KRT24: variants seen among roughly 807,000 people sequenced by gnomAD.
The protein encoded by KRT24 is keratin, type I cytoskeletal 24.
In KRT24, 44 loss-of-function variants were observed where a neutral mutation model predicts 51.7. That is an observed-to-expected ratio of 0.85 (90% CI 0.67 to 1.09). The LOEUF is 1.09. KRT24 is among the 50% of genes least tolerant of loss of function. KRT24 has a pLI of 0.00. For missense variants in KRT24, 633 were observed against 647.0 expected (o/e 0.98, Z 0.24); for synonymous variants, 241 against 249.5 (o/e 0.97, Z 0.32).
rs1457142876 is a variant in KRT24 at position 40,703,203 on chromosome 17, G to A, written c.491C>T (p.Ala164Val). ...GATTTTGTTCTCCAGATCAGTGTTAGCCTCCTCCAGGGCTCTGACCTTGTC... is the reference window on the plus strand; with the variant it reads ...GATTTTGTTCTCCAGATCAGTGTTAACCTCCTCCAGGGCTCTGACCTTGTC... The part of the protein sequence containing the change: ...YLDKVRALEE[A>V]NTDLENKIKE... Residue 164 changes from alanine to valine, a missense_variant, in exon 1 of 8, where the codon GCT becomes GTT. Coordinates refer to ENST00000264651, the MANE Select transcript of KRT24 (RefSeq NM_019016.3). The A allele has an allele frequency of 6.2e-7, 1 of 1,613,932 alleles. No individual in the cohort carries two copies. Among genetic ancestry groups the A allele is most frequent in the East Asian group, 2.2e-5 (1 of 44,882 alleles).
In KRT24 at chr17:40,703,462, C is replaced by CA. The variant is rs749788818; in HGVS notation, c.231dup (p.Gly78TrpfsTer15). 1 of 1,565,968 alleles carries CA rather than the reference C, an allele frequency of 6.4e-7. No individual in the cohort carries two copies. The highest frequency in any genetic ancestry group is 1.1e-5 in the South Asian group (1 of 89,878). The stretch of plus-strand genomic sequence containing the variant: ...CCTGTCCCAGAGCCTGAAGCTCCCC[C>CA]AAAACCACCCCCTACTGAGCAGCTA... On this transcript the variant is annotated frameshift_variant, in exon 1 of 8. Transcript: ENST00000264651. LOFTEE classifies it high-confidence loss of function.
At chr17:40,702,002 AG>A in intron 1 of KRT24, 69 bp from the exon 2 acceptor site, 1 of 732,374 alleles carries the variant, frequency 1.4e-6, no homozygotes, top group South Asian at 2.0e-5. Flanking sequence ...CCTACTTGTA[AG>A]GGTAGCTGTT....
At position 40,703,098 on chromosome 17, in the gene KRT24, A is replaced by G. The variant is rs752956226; in HGVS notation, c.596T>C (p.Ile199Thr). 6.2e-7 allele frequency: 1 copy of G among 1,600,668 alleles called. No individual in the cohort carries two copies. Among genetic ancestry groups the G allele is most frequent in the Non-Finnish European group, 8.5e-7 (1 of 1,174,738 alleles). The part of the protein sequence containing the change: ...GRDYSKYYSI[I>T]EDLRNQIIAA... ...TCTCACCTGGTTTCTGAGATCTTCA[A>G]TTATTGAATAGTATTTGCTATAATC... Residue 199 changes from isoleucine (I) to threonine (T), a missense_variant, in exon 1 of 8, where the codon ATT (isoleucine) becomes ACT (threonine). Ile to Thr is a moderately conservative substitution (Grantham distance 89). Transcript: ENST00000264651.
chr17:40,701,224 G>A lies in KRT24; in HGVS notation c.771C>T (p.Asp257=). 1 of 1,614,040 alleles carries A rather than the reference G, an allele frequency of 6.2e-7. No homozygotes were observed. The highest frequency in any genetic ancestry group is 8.5e-7 in the Non-Finnish European group (1 of 1,179,984). The change falls in exon 3 of 8, where the codon GAC becomes GAT. Residue 257 remains aspartate (D), a synonymous_variant. Transcript: ENST00000264651. ...CCAGGTCAGAGCGGGTCATAGTCAG[G>A]TCATCCAGGACTTTCCGCAGGCCAT... The part of the protein sequence containing the change: ...DINGLRKVLD[D]LTMTRSDLEM...
In KRT24 at chr17:40,698,350, A is replaced by G. The variant is rs199814540; in HGVS notation, c.1475-10T>C. ...CTAGTCTTGCTTGAATCTGAAAATC[A>G]TGGGATTGCAATGTCAGTCTGGAAA... On this transcript the variant is annotated splice_polypyrimidine_tract_variant and intron_variant, in intron 7 of 7. Coordinates refer to ENST00000264651, the MANE Select transcript of KRT24 (RefSeq NM_019016.3). 42 of 1,549,656 alleles carry G rather than the reference A, an allele frequency of 2.7e-5. No individual in the cohort carries two copies. The African/African-American group carries it at 4.2e-4, about 16-fold the overall frequency.
rs772872560 is a variant in KRT24 at position 40,703,389 on chromosome 17, C to T, written c.305G>A (p.Gly102Asp). ...SFGGVSGFGR[G>D]SGFCGSSRFS... The stretch of plus-strand genomic sequence containing the variant: ...TCTAGAACTCCCACAGAATCCAGAA[C>T]CCCTGCCAAATCCAGAGACCCCGCC... Residue 102 changes from glycine to aspartate, a missense_variant, in exon 1 of 8, where the codon GGT (glycine) becomes GAT (aspartate). Gly to Asp is a moderately conservative substitution (Grantham distance 94). Transcript: ENST00000264651. The T allele has an allele frequency of 1.2e-6, 2 of 1,612,680 alleles. No individual in the cohort carries two copies. Among genetic ancestry groups the T allele is most frequent in the Middle Eastern group, 1.7e-4 (1 of 6,058 alleles).
intron 5 of KRT24, 147 bp downstream of exon 5, chr17:40,699,851 T>G: frequency 8.5e-7 from 1 of 1,172,488 alleles, no homozygotes; most frequent in Non-Finnish European, 1.2e-6. Flanking sequence ...GAGTACATTA[T>G]CTTTAACTTT....
In KRT24 at chr17:40,701,215, C is replaced by A. The variant is rs2037673022; in HGVS notation, c.780G>T (p.Met260Ile). 6.2e-7 allele frequency: 1 copy of A among 1,614,090 alleles called. No individual in the cohort carries two copies. The highest frequency in any genetic ancestry group is 8.5e-7 in the Non-Finnish European group (1 of 1,179,978). The change falls in exon 3 of 8, where the codon ATG becomes ATT. Residue 260 changes from methionine (M) to isoleucine (I), a missense_variant. Coordinates refer to ENST00000264651, the MANE Select transcript of KRT24 (RefSeq NM_019016.3). Reference sequence around the variant, plus strand: ...TCTGCATCTCCAGGTCAGAGCGGGTCATAGTCAGGTCATCCAGGACTTTCC... The same window carrying A: ...TCTGCATCTCCAGGTCAGAGCGGGTAATAGTCAGGTCATCCAGGACTTTCC... ...GLRKVLDDLT[M>I]TRSDLEMQIE...
rs1465060715 is a variant in KRT24 at position 40,698,243 on chromosome 17, A to G, written c.1572T>C (p.Val524=). 1.2e-6 allele frequency: 2 copies of G among 1,605,690 alleles called. No individual in the cohort carries two copies. Among genetic ancestry groups the G allele is most frequent in the Admixed American group, 1.7e-5 (1 of 59,956 alleles). ...SQVSSISEVK[V]K is the part of the protein sequence containing the mutation. ...TTGTTGATCTGGAAGTTCCTTATTTAACTTTCACCTCAGAAATACTGCTGA... is the reference window on the plus strand; with the variant it reads ...TTGTTGATCTGGAAGTTCCTTATTTGACTTTCACCTCAGAAATACTGCTGA... Residue 524 remains valine (V), a synonymous_variant, in exon 8 of 8, where the codon GTT becomes GTC. Coordinates refer to ENST00000264651, the MANE Select transcript of KRT24 (RefSeq NM_019016.3).
chr17:40,703,681 A>G lies in KRT24; in HGVS notation c.13T>C (p.Ser5Pro). 1.3e-6 allele frequency: 2 copies of G among 1,566,730 alleles called. No individual in the cohort carries two copies. Among genetic ancestry groups the G allele is most frequent in the East Asian group, 4.5e-5 (2 of 44,492 alleles). Residue 5 changes from serine to proline, a missense_variant, in exon 1 of 8, where the codon TCT becomes CCT. By Grantham distance (74) the Ser-to-Pro change is moderately conservative (BLOSUM62 -1). Transcript: ENST00000264651. Reference protein sequence around the residue: MSCSSRASSSRAGGS... With the variant: MSCSPRASSSRAGGS... ...CCAGCCCTGGAGGAGGAGGCGCGAG[A>G]CGAGCAAGACATGGTGCTCCTGCAA...
chr17:40,698,772 T>C, intron 6 of KRT24, 122 bp from the exon 7 acceptor site: 1 of 656,530 alleles, frequency 1.5e-6, no homozygotes, highest in South Asian at 1.9e-5. Context: ...GGATTGTGTC[T>C]GCTGCTTTTT....
rs1376135658 is a variant in KRT24 at position 40,703,329 on chromosome 17, T to C, written c.365A>G (p.Tyr122Cys). ...AACACCACCTCCCATACCACCACCA[T>C]AGCTGTAGAAGCCTCCAGTAGCACC... ...SSGATGGFYS[Y>C]GGGMGGGVGD... The change falls in exon 1 of 8, where the codon TAT (tyrosine) becomes TGT (cysteine). Residue 122 changes from tyrosine to cysteine, a missense_variant. Transcript: ENST00000264651. 2 of 1,613,998 alleles carry C rather than the reference T, an allele frequency of 1.2e-6. No homozygotes were observed. Among genetic ancestry groups the C allele is most frequent in the Non-Finnish European group, 1.7e-6 (2 of 1,179,982 alleles).
chr17:40,699,992 A>C lies in KRT24; in HGVS notation c.1143+6T>G, dbSNP rs878997392. The C allele has an allele frequency of 1.2e-6, 2 of 1,614,086 alleles. No homozygotes were observed. Among genetic ancestry groups the C allele is most frequent in the East Asian group, 4.5e-5 (2 of 44,884 alleles). On this transcript the variant is annotated splice_donor_region_variant and intron_variant, in intron 5 of 7. Transcript: ENST00000264651. ...TTGGAAAATGTGAAAAGCTATTTGC[A>C]CATACCATGGCCAGTTGGGACTGAA... is the stretch of plus-strand genomic sequence containing the variant.
At position 40,699,550 on chromosome 17, in the gene KRT24, C is replaced by T. The variant is rs1182406964; in HGVS notation, c.1255G>A (p.Gly419Ser). Residue 419 changes from glycine to serine, a missense_variant, in exon 6 of 8, where the codon GGT becomes AGT. By Grantham distance (56) the Gly-to-Ser change is moderately conservative (BLOSUM62 0). Transcript: ENST00000264651. ...ALEEEICQIW[G>S]ETKCQNAEYK... The stretch of plus-strand genomic sequence containing the variant: ...TCTGCGTTCTGGCATTTAGTCTCAC[C>T]CCAGATCTGGCAGATCTCCTCCTCC... 1 of 1,613,654 alleles carries T rather than the reference C, an allele frequency of 6.2e-7. No homozygotes were observed. Among genetic ancestry groups the T allele is most frequent in the Non-Finnish European group, 8.5e-7 (1 of 1,179,708 alleles).
At position 40,703,560 on chromosome 17, in the gene KRT24, C is replaced by T; in HGVS notation, c.134G>A (p.Gly45Glu). The change falls in exon 1 of 8, where the codon GGA (glycine) becomes GAA (glutamate). Residue 45 changes from glycine (G) to glutamate (E), a missense_variant. By Grantham distance (98) the Gly-to-Glu change is moderately conservative. Coordinates refer to ENST00000264651, the MANE Select transcript of KRT24 (RefSeq NM_019016.3). ...LGGSSAQGFR[G>E]GASSCSLSGG... ...ACTCAGGCTGCAGCTGCTGGCTCCTCCTCGGAAGCCCTGGGCCGAGCTGCC... is the reference window on the plus strand; with the variant it reads ...ACTCAGGCTGCAGCTGCTGGCTCCTTCTCGGAAGCCCTGGGCCGAGCTGCC... 1 of 1,610,772 alleles carries T rather than the reference C, an allele frequency of 6.2e-7. No individual in the cohort carries two copies. Among genetic ancestry groups the T allele is most frequent in the Non-Finnish European group, 8.5e-7 (1 of 1,179,260 alleles).
chr17:40,700,205 C>T lies in KRT24; in HGVS notation c.1017+17G>A. Reference sequence around the variant, plus strand: ...GTGTGTGGCTACTGGCTTAGGTGCTCAGCAGAGAGGATCTACCTGCTTGTT... The same window carrying T: ...GTGTGTGGCTACTGGCTTAGGTGCTTAGCAGAGAGGATCTACCTGCTTGTT... On this transcript the variant is annotated intron_variant, in intron 4 of 7. Transcript: ENST00000264651. 6.2e-7 allele frequency: 1 copy of T among 1,614,010 alleles called. No individual in the cohort carries two copies. The highest frequency in any genetic ancestry group is 8.5e-7 in the Non-Finnish European group (1 of 1,179,966).
rs757855838 is a variant in KRT24, at chr17:40,703,522, C to T, written c.172G>A (p.Gly58Ser). ...CCTCCAAAGCTGCCCCCAAAAGCAC[C>T]GCTAGACCCCCCACTCAGGCTGCAG... Reference protein sequence around the residue: ...SSCSLSGGSSGAFGGSFGGGF... With the variant: ...SSCSLSGGSSSAFGGSFGGGF... Residue 58 changes from glycine to serine, a missense_variant, in exon 1 of 8, where the codon GGT (glycine) becomes AGT (serine). Coordinates refer to ENST00000264651, the MANE Select transcript of KRT24 (RefSeq NM_019016.3). The T allele has an allele frequency of 1.4e-5, 22 of 1,536,756 alleles. No individual in the cohort carries two copies. The highest frequency in any genetic ancestry group is 1.3e-4 in the East Asian group (5 of 39,468).
At position 40,703,737 on chromosome 17, in the gene KRT24, T is replaced by G; in HGVS notation, c.-44A>C. ...AGCTTGTCCAGGCGAATAGGAGAGGTGATGACGAAGAGTGTATTCAAGGCT... is the reference window on the plus strand; with the variant it reads ...AGCTTGTCCAGGCGAATAGGAGAGGGGATGACGAAGAGTGTATTCAAGGCT... On this transcript the variant is annotated 5_prime_UTR_variant, in exon 1 of 8. Coordinates refer to ENST00000264651, the MANE Select transcript of KRT24 (RefSeq NM_019016.3). The G allele has an allele frequency of 6.6e-7, 1 of 1,514,462 alleles. No homozygotes were observed. The highest frequency in any genetic ancestry group is 2.4e-4 in the Middle Eastern group (1 of 4,234). The allele number at this position is 1,514,462 out of a possible 1,614,324, so 93.8% of individuals were successfully genotyped here.
At chr17:40,701,374 A>G (rs1044031186) in intron 2 of KRT24, 78 bp from the exon 3 acceptor site, 32 of 1,252,148 alleles carry the variant, frequency 2.6e-5, no homozygotes, top group East Asian at 5.1e-5. Context: ...CCATTCTTAC[A>G]TATTGAAAAA....
Sources: allele counts gnomAD v4.1 joint callset, GRCh38; gene constraint gnomAD v4.1.1; transcripts MANE v1.5; gene names NCBI Gene and HGNC (gene_info 2026-07-23, HGNC 2026-07-21).